Variants in CLIC5 observed in about 807,000 individuals in gnomAD.
CLIC5 encodes the protein CLIC family member 5, also known as chloride intracellular channel protein 5.
CLIC5 carries 20 observed loss-of-function variants against 24.7 expected under a neutral mutation model. The ratio of observed to expected loss-of-function variants is 0.81; its 90% CI spans 0.57 to 1.18. CLIC5 has a LOEUF of 1.18. CLIC5 is among the 50% of genes most tolerant of loss of function. The pLI is 0.00. For synonymous variants in CLIC5, 159 were observed against 135.6 expected, an observed-to-expected ratio of 1.17 and a Z score of -1.20; for missense variants, 341 against 326.1, an observed-to-expected ratio of 1.05 and a Z score of -0.35.
chr6:46,057,388 C>T (rs1038198953), intron 1 of CLIC5, among the ~76,000 whole-genome samples: 1 of 152,210 alleles, frequency 6.6e-6, no homozygotes, highest in African/African-American at 2.4e-5. Flanking sequence ...TGCTTTTCTC[C>T]TCTTGCCGTG....
intron 1 of CLIC5, among the ~76,000 whole-genome samples, chr6:46,003,301 G>A (rs1766426037): frequency 6.6e-6 from 1 of 152,126 alleles, no homozygotes; most frequent in Admixed American, 6.6e-5. Context: ...TGTATCATAA[G>A]CCACTTCAGT....
intron 6 of CLIC5, among the ~76,000 whole-genome samples, chr6:45,887,848 A>T (rs1033800706): frequency 2.0e-5 from 3 of 152,242 alleles, no homozygotes; most frequent in African/African-American, 7.2e-5. Context: ...AAGGACAGGG[A>T]AGCCTCTGGG....
chr6:45,896,722 G>A (rs750704699), downstream of CLIC5, among the ~76,000 whole-genome samples: 9 of 152,080 alleles, frequency 5.9e-5, no homozygotes, highest in Non-Finnish European at 1.3e-4. Context: ...CTCAATACTA[G>A]GCACAGTCAC....
chr6:45,926,244 T>TA (rs1479166444), intron 4 of CLIC5, among the ~76,000 whole-genome samples: 3,471 of 95,594 alleles, frequency 0.036, 52 homozygotes, highest in East Asian at 0.09. Context: ...TATATATATA[T>TA]TTTATTTTTT....
chr6:46,059,666 G>A (rs1159266484), intron 1 of CLIC5, among the ~76,000 whole-genome samples: 3 of 152,172 alleles, frequency 2.0e-5, no homozygotes, highest in Non-Finnish European at 4.4e-5. Flanking sequence ...TATTTTAGAT[G>A]AGGAAAAGAA....
intron 5 of CLIC5, among the ~76,000 whole-genome samples, chr6:45,910,829 C>G (rs954532049): frequency 6.6e-6 from 1 of 152,158 alleles, no homozygotes; most frequent in African/African-American, 2.4e-5. Flanking sequence ...CTGGAGAGAG[C>G]CAGCAAGGTT....
chr6:45,993,306 T>G (rs1003701578), intron 1 of CLIC5, among the ~76,000 whole-genome samples: 6 of 152,190 alleles, frequency 3.9e-5, no homozygotes, highest in African/African-American at 1.4e-4. Flanking sequence ...AAAATACATT[T>G]TGGACAAAAG....
chr6:45,966,898 T>C (rs1765032955), intron 1 of CLIC5, among the ~76,000 whole-genome samples: 1 of 152,244 alleles, frequency 6.6e-6, no homozygotes, highest in Admixed American at 6.5e-5. Context: ...GATATTTTTA[T>C]GGTTGCATCT....
intron 1 of CLIC5, among the ~76,000 whole-genome samples, chr6:46,057,734 C>T (rs1768299181): frequency 6.6e-6 from 1 of 152,184 alleles, no homozygotes; most frequent in Admixed American, 6.5e-5. Context: ...ACCATCCCCA[C>T]CCCTACAAAC....
chr6:46,124,414 C>A, the CLIC5 span, among the ~76,000 whole-genome samples: 1 of 152,228 alleles, frequency 6.6e-6, no homozygotes, highest in Non-Finnish European at 1.5e-5. Context: ...CTTCCTTACA[C>A]CCTACACAAA....
intron 1 of CLIC5, among the ~76,000 whole-genome samples, chr6:46,024,969 G>A (rs1767289525): frequency 6.6e-6 from 1 of 152,136 alleles, no homozygotes; most frequent in Non-Finnish European, 1.5e-5. Flanking sequence ...GGCTATGTGT[G>A]TAGATTTAAG....
intron 4 of CLIC5, among the ~76,000 whole-genome samples, chr6:45,938,577 A>C (rs2127362360): frequency 6.6e-6 from 1 of 152,314 alleles, no homozygotes; most frequent in East Asian, 1.9e-4. Context: ...AGGAGTCACA[A>C]GGGCAAGTCT....
At chr6:45,882,279 GAAGCCAC>G (rs1762270641) in intron 6 of CLIC5, among the ~76,000 whole-genome samples, 2 of 152,194 alleles carry the variant, frequency 1.3e-5, no homozygotes, top group Admixed American at 1.3e-4. Flanking sequence ...TCACTGCATA[GAAGCCAC>G]AATAGCATTC....
chr6:45,953,916 A>T (rs1366948999), intron 2 of CLIC5, among the ~76,000 whole-genome samples: 1 of 152,122 alleles, frequency 6.6e-6, no homozygotes. Context: ...AATGCTCTAG[A>T]CTTGGCTACT....
chr6:45,922,121 G>A (rs953235596), intron 4 of CLIC5, among the ~76,000 whole-genome samples: 4 of 152,208 alleles, frequency 2.6e-5, no homozygotes, highest in African/African-American at 7.2e-5. Flanking sequence ...TGTGCAGCAC[G>A]TGGTGCCATG....
At chr6:45,976,685 C>T (rs910590326) in intron 1 of CLIC5, among the ~76,000 whole-genome samples, 6 of 152,198 alleles carry the variant, frequency 3.9e-5, no homozygotes, top group Non-Finnish European at 7.3e-5. Context: ...TTTGGTTCAT[C>T]GTACTACAGT....
chr6:46,004,238 G>C (rs768194001), intron 1 of CLIC5, among the ~76,000 whole-genome samples: 3 of 152,288 alleles, frequency 2.0e-5, no homozygotes, highest in Non-Finnish European at 2.9e-5. Flanking sequence ...CCAGTTTGTA[G>C]TAGGAAACAA....
chr6:45,950,632 C>T (rs1764440662), intron 2 of CLIC5, among the ~76,000 whole-genome samples: 1 of 152,134 alleles, frequency 6.6e-6, no homozygotes, highest in Admixed American at 6.6e-5. Context: ...ATTTTAGCTG[C>T]AAAAGTAGAA....
the CLIC5 span, among the ~76,000 whole-genome samples, chr6:46,087,604 T>G: frequency 6.6e-6 from 1 of 152,202 alleles, no homozygotes; most frequent in South Asian, 2.1e-4. Flanking sequence ...TCTTCCCTTC[T>G]CATCCCCTCT....
Sources: allele counts gnomAD v4.1 joint callset (sites outside exome capture counted in the v4.1 genomes callset), GRCh38; gene constraint gnomAD v4.1.1; transcripts MANE v1.5; gene names NCBI Gene and HGNC (gene_info 2026-07-23, HGNC 2026-07-21).